The following PHF24 variants were observed in gnomAD, a reference collection of about 807,000 sequenced individuals.
PHF24 encodes Galpha inhibitory interacting protein.
In PHF24, 25 loss-of-function variants were observed where a neutral mutation model predicts 42.6. That is an observed-to-expected ratio of 0.59 (90% CI 0.43 to 0.82). The LOEUF is 0.82. PHF24 is among the 40% of genes least tolerant of loss of function. PHF24 has a pLI of 0.00. For missense variants in PHF24, 470 were observed against 538.1 expected (o/e 0.87, Z 1.25); for synonymous variants, 185 against 204.8 (o/e 0.90, Z 0.83).
the PHF24 span, among the ~76,000 whole-genome samples, chr9:34,842,149 G>A: frequency 6.6e-6 from 1 of 152,120 alleles, no homozygotes; most frequent in Non-Finnish European, 1.5e-5. Context: ...TATTCATGTT[G>A]TTTTGTATAT....
chr9:34,942,232 C>A, the PHF24 span, among the ~76,000 whole-genome samples: 1 of 152,318 alleles, frequency 6.6e-6, no homozygotes, highest in Non-Finnish European at 1.5e-5. Context: ...CCATTGAAAG[C>A]TGGCAGCCTT....
At chr9:34,896,844 T>C in the PHF24 span, among the ~76,000 whole-genome samples, 1 of 152,004 alleles carries the variant, frequency 6.6e-6, no homozygotes, top group Non-Finnish European at 1.5e-5. Flanking sequence ...ATAAAAGTGG[T>C]TGGTCTTAGG....
the PHF24 span, among the ~76,000 whole-genome samples, chr9:34,926,711 G>A: frequency 1.3e-5 from 2 of 152,090 alleles, no homozygotes; most frequent in Non-Finnish European, 2.9e-5. This position sits in a 1 kb window ranked among gnomAD's most constrained non-coding sequence, Gnocchi z 4.3. Context: ...TGTTGCTCAG[G>A]CTCATGACAC....
chr9:34,747,947 A>G, the PHF24 span, among the ~76,000 whole-genome samples: 13,210 of 152,300 alleles, frequency 0.087, 819 homozygotes, highest in Middle Eastern at 0.19. Context: ...TGACATATTC[A>G]TATAATGAAA....
At chr9:34,806,981 A>C in the PHF24 span, among the ~76,000 whole-genome samples, 2 of 152,150 alleles carry the variant, frequency 1.3e-5, no homozygotes, top group Admixed American at 6.5e-5. Context: ...ATACAAGATC[A>C]TATCATCTGC....
the PHF24 span, among the ~76,000 whole-genome samples, chr9:34,874,468 C>A: frequency 6.6e-6 from 1 of 152,178 alleles, no homozygotes; most frequent in Admixed American, 6.6e-5. Flanking sequence ...ATATGTACCC[C>A]ACTGCCTGCC....
the PHF24 span, among the ~76,000 whole-genome samples, chr9:34,815,436 C>T: frequency 6.6e-6 from 1 of 152,158 alleles, no homozygotes; most frequent in Non-Finnish European, 1.5e-5. Flanking sequence ...CATTCTCCTG[C>T]CTCAGCCTCC....
chr9:34,807,038 T>C, the PHF24 span, among the ~76,000 whole-genome samples: 1 of 152,226 alleles, frequency 6.6e-6, no homozygotes, highest in Non-Finnish European at 1.5e-5. Context: ...TTTACTTGAT[T>C]TTATTGCCTT....
At chr9:34,690,344 T>C in the PHF24 span, 2 of 1,611,830 alleles carry the variant, frequency 1.2e-6, no homozygotes, top group Non-Finnish European at 1.7e-6. Context: ...GAGTTGGGGC[T>C]GGGATGGGGA....
the PHF24 span, among the ~76,000 whole-genome samples, chr9:34,747,186 G>C: frequency 2.0e-5 from 3 of 152,130 alleles, no homozygotes; most frequent in East Asian, 5.8e-4. Context: ...GGGTTGGGGG[G>C]TGGGGGTTGT....
the PHF24 span, among the ~76,000 whole-genome samples, chr9:34,841,251 G>A: frequency 1.3e-5 from 2 of 152,028 alleles, no homozygotes; most frequent in African/African-American, 4.8e-5. Flanking sequence ...CTCCCGTCTC[G>A]GCCTCCCAAA....
At chr9:34,844,366 T>G in the PHF24 span, among the ~76,000 whole-genome samples, 478 of 152,240 alleles carry the variant, frequency 3.1e-3, no homozygotes, top group African/African-American at 0.011. Context: ...TTCTAGTTCC[T>G]TGAGGTGTAA....
the PHF24 span, among the ~76,000 whole-genome samples, chr9:34,923,666 G>T: frequency 2.7e-4 from 41 of 151,988 alleles, no homozygotes; most frequent in African/African-American, 9.7e-4. Flanking sequence ...ATTATGAGTT[G>T]TAATCTCTTT....
chr9:34,681,520 G>C, the PHF24 span, among the ~76,000 whole-genome samples: 4,954 of 150,564 alleles, frequency 0.033, no homozygotes, highest in East Asian at 0.077. Context: ...GGTAATTAAA[G>C]TTAAATGAGG....
At chr9:34,936,276 C>A in the PHF24 span, among the ~76,000 whole-genome samples, 2 of 152,118 alleles carry the variant, frequency 1.3e-5, no homozygotes, top group Non-Finnish European at 1.5e-5. Context: ...TCGCTGTGTT[C>A]GCCGGGCTGG....
chr9:34,931,032 T>C, the PHF24 span, among the ~76,000 whole-genome samples: 1 of 152,008 alleles, frequency 6.6e-6, no homozygotes, highest in Non-Finnish European at 1.5e-5. Flanking sequence ...CTCCTGATGG[T>C]GAGTGAGTTT....
the PHF24 span, among the ~76,000 whole-genome samples, chr9:34,773,560 C>G: frequency 1.3e-5 from 2 of 151,990 alleles, no homozygotes; most frequent in African/African-American, 4.8e-5. Flanking sequence ...AAGGATAAAA[C>G]AAATATCACA....
chr9:34,763,404 G>A, the PHF24 span, among the ~76,000 whole-genome samples: 1 of 152,012 alleles, frequency 6.6e-6, no homozygotes, highest in Non-Finnish European at 1.5e-5. Context: ...CCCTGAAGAG[G>A]TCCTTCACAT....
chr9:34,694,110 C>T, the PHF24 span, among the ~76,000 whole-genome samples: 1 of 146,314 alleles, frequency 6.8e-6, no homozygotes, highest in African/African-American at 2.5e-5. Flanking sequence ...GCCCACTGAT[C>T]TACAGTGATC....
Sources: gnomAD v4.1 joint callset for allele counts (sites outside exome capture counted in the v4.1 genomes callset) on GRCh38, gnomAD v4.1.1 for gene constraint, Gnocchi (gnomAD v3.1) non-coding constraint, MANE v1.5 for transcripts, NCBI Gene and HGNC (gene_info 2026-07-23, HGNC 2026-07-21) for gene names.